LRRIQ1: variants seen among roughly 807,000 people sequenced by gnomAD.
The protein encoded by LRRIQ1 is leucine-rich repeat- and IQ domain-containing protein 1.
In LRRIQ1, 210 loss-of-function variants were observed where a neutral mutation model predicts 211.9. The ratio of observed to expected loss-of-function variants is 0.99; its 90% CI spans 0.89 to 1.11. The LOEUF (loss-of-function observed/expected upper bound fraction) is 1.11. LRRIQ1 is among the 50% of genes most tolerant of loss of function. The pLI, the probability that LRRIQ1 is intolerant of heterozygous loss-of-function variation, is 0.00. For missense variants in LRRIQ1, 2,136 were observed against 1,939.5 expected (o/e 1.10, Z -1.90); for synonymous variants, 699 against 650.1 (o/e 1.08, Z -1.14).
intron 11 of LRRIQ1, among the ~76,000 whole-genome samples, chr12:85,081,263 G>T (rs922508710): frequency 3.3e-5 from 5 of 152,122 alleles, no homozygotes; most frequent in Admixed American, 3.3e-4. Flanking sequence ...TTAACCGTAT[G>T]ATTCGGTAGT....
intron 24 of LRRIQ1, among the ~76,000 whole-genome samples, chr12:85,216,261 A>T (rs1263055884): frequency 6.6e-6 from 1 of 152,140 alleles, no homozygotes; most frequent in Non-Finnish European, 1.5e-5. Context: ...GAGTGAGAAC[A>T]TGCAGTATTT....
At chr12:85,236,657 T>C (rs1203122454) in intron 26 of LRRIQ1, among the ~76,000 whole-genome samples, 3 of 151,746 alleles carry the variant, frequency 2.0e-5, no homozygotes, top group Admixed American at 2.0e-4. Context: ...CTTGTCAGTG[T>C]TTATTAAAGT....
At chr12:85,048,969 A>G (rs1053903427) in intron 6 of LRRIQ1, among the ~76,000 whole-genome samples, 1 of 152,236 alleles carries the variant, frequency 6.6e-6, no homozygotes, top group Non-Finnish European at 1.5e-5. Context: ...ATGATGCAAA[A>G]GAGATCTAAC....
chr12:85,162,286 C>T (rs1017739668), intron 24 of LRRIQ1, among the ~76,000 whole-genome samples: 4 of 151,750 alleles, frequency 2.6e-5, no homozygotes, highest in African/African-American at 9.7e-5. Flanking sequence ...AAATATATTC[C>T]CAATTTAAAA....
chr12:85,237,291 G>T (rs1895233976), intron 26 of LRRIQ1, among the ~76,000 whole-genome samples: 1 of 152,002 alleles, frequency 6.6e-6, no homozygotes, highest in African/African-American at 2.4e-5. Context: ...AGTCAACTCA[G>T]GTAACAGCTT....
At chr12:85,263,822 C>T (rs983912534) in exon 2 of LRRIQ1, 9 of 151,870 alleles carry the variant, frequency 5.9e-5, no homozygotes, top group Non-Finnish European at 1.2e-4. Context: ...GTTCAACTTA[C>T]CATTTTGTAA....
At chr12:85,224,253 C>T (rs1894541024) in intron 24 of LRRIQ1, among the ~76,000 whole-genome samples, 1 of 152,110 alleles carries the variant, frequency 6.6e-6, no homozygotes, top group Admixed American at 6.6e-5. Flanking sequence ...AAACAACATC[C>T]TGGAGAGGAT....
At chr12:85,042,555 T>G (rs1284190691) in intron 3 of LRRIQ1, among the ~76,000 whole-genome samples, 11 of 149,416 alleles carry the variant, frequency 7.4e-5, no homozygotes, top group Non-Finnish European at 1.6e-4. Flanking sequence ...TTATTGAAAT[T>G]TAATTTAAAT....
intron 15 of LRRIQ1, among the ~76,000 whole-genome samples, chr12:85,116,918 GT>G (rs5799720): frequency 0.28 from 41,643 of 151,076 alleles, 5,873 homozygotes; most frequent in Admixed American, 0.33. Context: ...ATATTCCATG[GT>G]GTATATGTAC....
chr12:85,073,932 T>G (rs1883358320), intron 11 of LRRIQ1, among the ~76,000 whole-genome samples: 1 of 152,054 alleles, frequency 6.6e-6, no homozygotes, highest in Admixed American at 6.6e-5. Context: ...GATTTGTGTT[T>G]GTAAGTTAGT....
intron 17 of LRRIQ1, among the ~76,000 whole-genome samples, chr12:85,126,622 CAA>C (rs1028950982): frequency 1.3e-5 from 2 of 152,074 alleles, no homozygotes; most frequent in African/African-American, 4.8e-5. Flanking sequence ...ACTGGAAATT[CAA>C]ATAGCTTATC....
At chr12:85,258,148 C>T (rs1896177345) in intron 1 of LRRIQ1, among the ~76,000 whole-genome samples, 1 of 131,478 alleles carries the variant, frequency 7.6e-6, no homozygotes, top group Non-Finnish European at 1.5e-5. Context: ...AATAAATATA[C>T]ACAGACAAAA....
chr12:85,267,505 A>C (rs1249177649), downstream of LRRIQ1, among the ~76,000 whole-genome samples: 1 of 152,096 alleles, frequency 6.6e-6, no homozygotes, highest in Non-Finnish European at 1.5e-5. Flanking sequence ...AATAAATGCT[A>C]AATTAATACT....
At chr12:85,215,444 C>G (rs984565078) in intron 24 of LRRIQ1, among the ~76,000 whole-genome samples, 2 of 152,066 alleles carry the variant, frequency 1.3e-5, no homozygotes, top group African/African-American at 4.8e-5. Context: ...ATTATTTTAT[C>G]ATCCAGGTAT....
downstream of LRRIQ1, among the ~76,000 whole-genome samples, chr12:85,249,624 G>C (rs901482912): frequency 4.0e-5 from 6 of 151,856 alleles, no homozygotes; most frequent in Non-Finnish European, 7.4e-5. Context: ...CTAGCACATA[G>C]TAGGCACTTA....
chr12:85,116,722 A>G (rs567369517), intron 15 of LRRIQ1, among the ~76,000 whole-genome samples: 11 of 152,180 alleles, frequency 7.2e-5, no homozygotes, highest in Admixed American at 7.2e-4. Context: ...TCCTGGCTCA[A>G]GTAGACCCCA....
At chr12:85,054,871 T>C (rs1880795423) in intron 7 of LRRIQ1, among the ~76,000 whole-genome samples, 1 of 152,140 alleles carries the variant, frequency 6.6e-6, no homozygotes, top group Non-Finnish European at 1.5e-5. Context: ...CATATCCTTT[T>C]TGTTAGTTTC....
intron 19 of LRRIQ1, among the ~76,000 whole-genome samples, chr12:85,142,199 C>CT (rs1334006390): frequency 6.6e-6 from 1 of 151,394 alleles, no homozygotes; most frequent in Non-Finnish European, 1.5e-5. Flanking sequence ...AAGATATTGG[C>CT]TTCCTATCCC....
At chr12:85,194,918 A>G (rs1406666464) in intron 24 of LRRIQ1, among the ~76,000 whole-genome samples, 4 of 152,260 alleles carry the variant, frequency 2.6e-5, no homozygotes, top group Non-Finnish European at 4.4e-5. Context: ...AAATTGATAG[A>G]CCGCTAGCAA....
Sources: allele counts gnomAD v4.1 joint callset (sites outside exome capture counted in the v4.1 genomes callset), GRCh38; gene constraint gnomAD v4.1.1; transcripts MANE v1.5; gene names NCBI Gene and HGNC (gene_info 2026-07-23, HGNC 2026-07-21).